TRRAP: variants seen among roughly 807,000 people sequenced by gnomAD.
The protein encoded by TRRAP is transformation/transcription domain associated protein, also known as transformation/transcription domain-associated protein.
TRRAP carries 41 observed loss-of-function variants against 438.8 expected under a neutral mutation model. The observed-to-expected ratio is 0.09, with a 90% confidence interval of 0.07 to 0.12. The LOEUF (loss-of-function observed/expected upper bound fraction) is 0.12. Among genes scored for constraint, TRRAP ranks in the 10% least tolerant of loss-of-function variants. TRRAP has a pLI of 1.00. For missense variants in TRRAP, 3,122 were observed against 5,055.1 expected (o/e 0.62, Z 11.60); for synonymous variants, 1,994 against 1,962.9 (o/e 1.02, Z -0.42).
intron 40 of TRRAP, 72 bp from the exon 41 acceptor site, chr7:98,955,026 A>G: frequency 6.7e-7 from 1 of 1,488,644 alleles, no homozygotes; most frequent in South Asian, 1.3e-5. Flanking sequence ...ATGTCTTGAC[A>G]CCAAGGGATT....
At chr7:98,891,798 A>G (rs1257990635) in intron 4 of TRRAP, among the ~76,000 whole-genome samples, 2 of 151,868 alleles carry the variant, frequency 1.3e-5, no homozygotes, top group African/African-American at 4.8e-5. Flanking sequence ...TCGTCCTCCC[A>G]AAGTGCTGGG....
In TRRAP at chr7:98,955,145, C is replaced by A. The variant is rs782296052; in HGVS notation, c.5778C>A (p.Ile1926=). ...LKAHAMEARA[I]VRQAMAILTP... ...CTCACGCAATGGAAGCTCGAGCGAT[C>A]GTCAGACAGGCGATGGCCATTCTGA... The change falls in exon 41 of 73, where the codon ATC becomes ATA. Residue 1926 remains isoleucine, a synonymous_variant. Transcript: ENST00000456197. 1 of 1,614,174 alleles carries A rather than the reference C, an allele frequency of 6.2e-7. No homozygotes were observed. Among genetic ancestry groups the A allele is most frequent in the African/African-American group, 1.3e-5 (1 of 75,054 alleles).
At position 98,945,716 on chromosome 7, in the gene TRRAP, G is replaced by GA. The variant is rs782300459; in HGVS notation, c.4474-25dup. The GA allele has an allele frequency of 1.3e-5, 21 of 1,595,858 alleles. No homozygotes were observed. The Admixed American group carries it at 2.0e-4, about 15-fold the overall frequency. On this transcript the variant is annotated intron_variant, in intron 31 of 72. Coordinates refer to ENST00000456197, the MANE Select transcript of TRRAP (RefSeq NM_001375524.1). Reference sequence around the variant, plus strand: ...AGTTTTTATGTAAATAACATAAATAGAAAAAAGATGATTTTCCTCCCCATC... The same window carrying GA: ...AGTTTTTATGTAAATAACATAAATAGAAAAAAAGATGATTTTCCTCCCCATC...
At chr7:98,937,455 T>G (rs1362889313) in intron 29 of TRRAP, among the ~76,000 whole-genome samples, 178 bp downstream of exon 29, 1 of 152,272 alleles carries the variant, frequency 6.6e-6, no homozygotes, top group Non-Finnish European at 1.5e-5. Flanking sequence ...ATAGTCATAC[T>G]GAGTTTTTTA....
At chr7:98,893,930 TC>T in intron 6 of TRRAP, 49 bp downstream of exon 6, 1 of 1,573,208 alleles carries the variant, frequency 6.4e-7, no homozygotes, top group Non-Finnish European at 8.6e-7. Flanking sequence ...GTCAACATGT[TC>T]CTTCTGTGAA....
chr7:98,956,656 C>T lies in TRRAP; in HGVS notation c.6231+123C>T. ...TTCAGGAGAGGAAGCTGGGAACAGCCACGGTCACCAGATTGAAACTCCAGG... is the reference window on the plus strand; with the variant it reads ...TTCAGGAGAGGAAGCTGGGAACAGCTACGGTCACCAGATTGAAACTCCAGG... On this transcript the variant is annotated intron_variant, in intron 43 of 72. Transcript: ENST00000456197. The surrounding 1 kb of genome is among the most constrained non-coding windows in gnomAD (Gnocchi z 4.5). The T allele has an allele frequency of 2.1e-6, 3 of 1,457,280 alleles. No individual in the cohort carries two copies. The highest frequency in any genetic ancestry group is 2.8e-5 in the South Asian group (2 of 72,418). 90.3% of individuals were successfully genotyped at this position (1,457,280 alleles called of 1,614,324 possible).
At chr7:98,891,151 C>T (rs981240985) in intron 4 of TRRAP, among the ~76,000 whole-genome samples, 1 of 148,410 alleles carries the variant, frequency 6.7e-6, no homozygotes, top group Non-Finnish European at 1.5e-5. Flanking sequence ...GCCCCCAACA[C>T]ACTGTTCATA....
At chr7:98,980,197 T>G (rs893495183) in intron 58 of TRRAP, among the ~76,000 whole-genome samples, 7 of 152,208 alleles carry the variant, frequency 4.6e-5, no homozygotes, top group Admixed American at 3.9e-4. Flanking sequence ...AGCCACAGTG[T>G]CATATAATTG....
At chr7:98,987,967 A>G (rs1255455322) in intron 62 of TRRAP, among the ~76,000 whole-genome samples, 2 of 152,202 alleles carry the variant, frequency 1.3e-5, no homozygotes, top group South Asian at 4.1e-4. Context: ...TTAATGTGGT[A>G]TATCACATTG....
rs1033570560 is a variant in TRRAP, at chr7:98,992,311, C to A, written c.9847+84C>A. On this transcript the variant is annotated intron_variant, in intron 65 of 72. Coordinates refer to ENST00000456197, the MANE Select transcript of TRRAP (RefSeq NM_001375524.1). ...CCACATCCAGACAGACCACCGCAGC[C>A]ACCCCTGCCCTGCAGCTCACTCATA... 11 of 1,402,770 alleles carry A rather than the reference C, an allele frequency of 7.8e-6. No homozygotes were observed. In the Admixed American group the frequency reaches 1.9e-4, roughly 24 times the overall value. 86.9% of individuals were successfully genotyped at this position (1,402,770 alleles called of 1,614,324 possible).
At chr7:98,946,189 A>C (rs1485758266) in intron 33 of TRRAP, among the ~76,000 whole-genome samples, 2 of 152,194 alleles carry the variant, frequency 1.3e-5, no homozygotes, top group African/African-American at 4.8e-5. Context: ...TGAGAATTGC[A>C]ATGTCTCAAT....
intron 39 of TRRAP, among the ~76,000 whole-genome samples, chr7:98,952,698 C>T (rs555166472): frequency 1.8e-4 from 28 of 151,946 alleles, no homozygotes; most frequent in African/African-American, 4.6e-4. Flanking sequence ...TGAAGGGGAA[C>T]GGGGGAAGGT....
At chr7:98,920,239 G>A (rs981423300) in intron 20 of TRRAP, among the ~76,000 whole-genome samples, 1 of 152,198 alleles carries the variant, frequency 6.6e-6, no homozygotes, top group Non-Finnish European at 1.5e-5. Context: ...GGGAGGCTGA[G>A]GCGGGTGGAT....
At chr7:98,888,606 T>C (rs1554404317) in intron 3 of TRRAP, among the ~76,000 whole-genome samples, 4 of 152,260 alleles carry the variant, frequency 2.6e-5, no homozygotes, top group East Asian at 1.9e-4. Flanking sequence ...TCTGTTGATA[T>C]GCCTTTTACA....
chr7:98,949,571 A>G lies in TRRAP; in HGVS notation c.4943A>G (p.Gln1648Arg). The change falls in exon 36 of 73, where the codon CAG becomes CGG. Residue 1648 changes from glutamine (Q) to arginine (R), a missense_variant. Around this residue, in one of 24 missense-constraint regions of TRRAP, gnomAD observed 272 missense variants for 348.5 expected, o/e 0.78. Transcript: ENST00000456197. The part of the protein sequence containing the change: ...TSTMRLDLQF[Q>R]AIKIISIIVK... ...ACCATGCGCCTGGACCTCCAGTTCCAGGCCATCAAGGTAGCGCCCCTTCCT... is the reference window on the plus strand; with the variant it reads ...ACCATGCGCCTGGACCTCCAGTTCCGGGCCATCAAGGTAGCGCCCCTTCCT... 1 of 1,583,464 alleles carries G rather than the reference A, an allele frequency of 6.3e-7. No homozygotes were observed. Among genetic ancestry groups the G allele is most frequent in the Non-Finnish European group, 8.6e-7 (1 of 1,165,042 alleles).
rs1388368262 is a variant in TRRAP, at chr7:98,965,902, T to C, written c.7176+7T>C. 6.2e-7 allele frequency: 1 copy of C among 1,614,010 alleles called. No individual in the cohort carries two copies. Among genetic ancestry groups the C allele is most frequent in the Non-Finnish European group, 8.5e-7 (1 of 1,179,936 alleles). The stretch of plus-strand genomic sequence containing the variant: ...CCCAATGGCAGCCAATCAGGTGAGC[T>C]GGGACGGTGTGCCATGTGATCTCCC... On this transcript the variant is annotated splice_region_variant and intron_variant, in intron 49 of 72. Transcript: ENST00000456197.
At chr7:98,984,389 A>G (rs1454685816) in intron 61 of TRRAP, 31 bp downstream of exon 61, 18 of 1,500,928 alleles carry the variant, frequency 1.2e-5, no homozygotes, top group Middle Eastern at 3.6e-4. Context: ...GAATGAGGCC[A>G]GGTGGAGATT....
At chr7:98,892,394 T>A in intron 4 of TRRAP, 30 bp from the exon 5 acceptor site, 1 of 1,553,158 alleles carries the variant, frequency 6.4e-7, no homozygotes, top group Non-Finnish European at 8.9e-7. Context: ...AGTATTTTTA[T>A]CCTTACATTT....
At chr7:98,959,570 A>T (rs185878177) in intron 45 of TRRAP, 80 bp downstream of exon 45, 373 of 1,550,410 alleles carry the variant, frequency 2.4e-4, no homozygotes, top group Non-Finnish European at 3.1e-4. Flanking sequence ...GGGACTGGAC[A>T]TTTGTGGATC....
Sources: allele counts gnomAD v4.1 joint callset (sites outside exome capture counted in the v4.1 genomes callset), GRCh38; gene constraint gnomAD v4.1.1; regional missense constraint gnomAD v4.1.1; non-coding constraint Gnocchi (gnomAD v3.1); transcripts MANE v1.5; gene names NCBI Gene and HGNC (gene_info 2026-07-23, HGNC 2026-07-21).